The following PLCH1 variants were observed in gnomAD, a reference collection of about 807,000 sequenced individuals.
PLCH1 encodes the protein phospholipase C eta 1.
A neutral mutation model predicts 126.7 loss-of-function variants in PLCH1; 60 were observed. The observed-to-expected ratio is 0.47, with a 90% CI of 0.38 to 0.59. The LOEUF (loss-of-function observed/expected upper bound fraction) is 0.59, where lower values mean the gene tolerates loss of function less well. PLCH1 is among the 20% of genes least tolerant of loss of function. The pLI is 0.00. For missense variants in PLCH1, 1,723 were observed against 2,040.0 expected (o/e 0.84, Z 2.99); for synonymous variants, 719 against 734.9 (o/e 0.98, Z 0.35).
chr3:155,616,178 A>G (rs968798658), intron 2 of PLCH1, among the ~76,000 whole-genome samples: 1 of 152,194 alleles, frequency 6.6e-6, no homozygotes, highest in Non-Finnish European at 1.5e-5. Context: ...AATTACTTAC[A>G]CTAAAAATAA....
At position 155,481,831 on chromosome 3, in the gene PLCH1, C is replaced by G; in HGVS notation, c.4195G>C (p.Gly1399Arg). 1 of 1,614,082 alleles carries G rather than the reference C, an allele frequency of 6.2e-7. No individual in the cohort carries two copies. Among genetic ancestry groups the G allele is most frequent in the Non-Finnish European group, 8.5e-7 (1 of 1,180,022 alleles). Residue 1399 changes from glycine (G) to arginine (R), a missense_variant, in exon 23 of 23, where the codon GGC becomes CGC. Transcript: ENST00000460012. This position sits in a 1 kb window ranked among gnomAD's most constrained non-coding sequence, Gnocchi z 4.2. ...VEHFQRGLRNGYCKETLRPSV... is the reference protein window; with the variant it reads ...VEHFQRGLRNRYCKETLRPSV... ...GGGCGGAGGGTCTCTTTACAGTAGC[C>G]GTTTCTCAAACCTCTTTGAAAGTGT...
intron 8 of PLCH1, 109 bp downstream of exon 8, chr3:155,564,806 A>G: frequency 3.0e-6 from 2 of 672,734 alleles, no homozygotes; most frequent in African/African-American, 1.8e-5. Flanking sequence ...AGTAGTACTA[A>G]TTAGTGTGAG....
At chr3:155,687,563 G>T (rs1021746779) in intron 2 of PLCH1, among the ~76,000 whole-genome samples, 5 of 152,080 alleles carry the variant, frequency 3.3e-5, no homozygotes, top group African/African-American at 1.2e-4. Flanking sequence ...ATATAATTTA[G>T]GAGAAATGGT....
At chr3:155,576,174 G>A (rs1042078678) in intron 6 of PLCH1, among the ~76,000 whole-genome samples, 1 of 152,142 alleles carries the variant, frequency 6.6e-6, no homozygotes, top group Non-Finnish European at 1.5e-5. Flanking sequence ...AGGAACTCTG[G>A]AGGAGATGTA....
At chr3:155,662,478 A>T (rs1462202183) in intron 2 of PLCH1, among the ~76,000 whole-genome samples, 1 of 151,890 alleles carries the variant, frequency 6.6e-6, no homozygotes, top group Admixed American at 6.6e-5. Flanking sequence ...AAAAAAAATT[A>T]AAAATAAAAA....
At chr3:155,665,067 T>G (rs1466938312) in intron 2 of PLCH1, among the ~76,000 whole-genome samples, 1 of 139,556 alleles carries the variant, frequency 7.2e-6, no homozygotes, top group Non-Finnish European at 1.6e-5. Context: ...TAAAACTTCC[T>G]CATAAAAACT....
chr3:155,628,099 A>G (rs903658535), intron 2 of PLCH1, among the ~76,000 whole-genome samples: 4 of 152,150 alleles, frequency 2.6e-5, no homozygotes, highest in Admixed American at 2.0e-4. Context: ...CAAAAAAGTT[A>G]CAAAACTACA....
chr3:155,486,182 T>C, intron 21 of PLCH1: 2 of 1,546,756 alleles, frequency 1.3e-6, no homozygotes, highest in Non-Finnish European at 1.7e-6. Flanking sequence ...ATAGTATAAC[T>C]GGGGTTGAGT....
intron 17 of PLCH1, among the ~76,000 whole-genome samples, chr3:155,493,285 T>C (rs1385306316): frequency 6.6e-6 from 1 of 152,236 alleles, no homozygotes; most frequent in African/African-American, 2.4e-5. Context: ...AACAACTTTT[T>C]TATCTGAATT....
At chr3:155,643,578 T>C (rs1739663529) in intron 2 of PLCH1, among the ~76,000 whole-genome samples, 1 of 152,216 alleles carries the variant, frequency 6.6e-6, no homozygotes, top group East Asian at 1.9e-4. Flanking sequence ...GGCATTAACT[T>C]TTCAGAGTGC....
chr3:155,716,512 G>A (rs1201253651), intron 1 of PLCH1, among the ~76,000 whole-genome samples: 2 of 152,300 alleles, frequency 1.3e-5, no homozygotes, highest in Middle Eastern at 3.4e-3. Context: ...GTAGGCCCCA[G>A]GAAGCTTTTA....
intron 1 of PLCH1, among the ~76,000 whole-genome samples, chr3:155,720,383 TATTTTTTTA>T (rs1203142022): frequency 2.5e-5 from 3 of 120,152 alleles, no homozygotes; most frequent in Non-Finnish European, 5.1e-5. Context: ...TGACATCTAT[TATTTTTTTA>T]TTTTTTTATT....
intron 1 of PLCH1, among the ~76,000 whole-genome samples, chr3:155,744,256 C>A (rs570135558): frequency 6.6e-6 from 1 of 152,272 alleles, no homozygotes; most frequent in East Asian, 1.9e-4. Flanking sequence ...GGGTTTGCCT[C>A]CACCACCCCG....
At chr3:155,533,721 C>T (rs1005774308) in intron 10 of PLCH1, among the ~76,000 whole-genome samples, 1 of 152,184 alleles carries the variant, frequency 6.6e-6, no homozygotes, top group Non-Finnish European at 1.5e-5. Flanking sequence ...GACCCAGAGG[C>T]CTAGGTAGAA....
intron 1 of PLCH1, among the ~76,000 whole-genome samples, chr3:155,737,449 G>A (rs925500067): frequency 1.7e-4 from 25 of 151,386 alleles, no homozygotes; most frequent in Middle Eastern, 3.4e-3. Flanking sequence ...CTCCCACCTC[G>A]GCCTCCCAAA....
intron 16 of PLCH1, 36 bp downstream of exon 16, chr3:155,494,302 T>TATAC (rs1716684696): frequency 1.2e-6 from 2 of 1,612,026 alleles, no homozygotes; most frequent in Admixed American, 3.3e-5. Flanking sequence ...ATAGTGAGAA[T>TATAC]ATACAGAGAA....
In PLCH1 at chr3:155,482,975, T is replaced by C. The variant is rs1221533914; in HGVS notation, c.3051A>G (p.Leu1017=). The C allele has an allele frequency of 1.2e-6, 2 of 1,614,060 alleles. No homozygotes were observed. Among genetic ancestry groups the C allele is most frequent in the East Asian group, 2.2e-5 (1 of 44,880 alleles). Residue 1017 remains leucine, a synonymous_variant, in exon 23 of 23, where the codon TTA becomes TTG. Transcript: ENST00000460012. Reference sequence around the variant, plus strand: ...GGAGCAGAGCACTGGAGGAGGATGATAACTTTTTGTTGAAATTTAGAAAAT... The same window carrying C: ...GGAGCAGAGCACTGGAGGAGGATGACAACTTTTTGTTGAAATTTAGAAAAT... ...DPHFLNFNKK[L]SSSSSALLHK... is the part of the protein sequence containing the mutation.
intron 2 of PLCH1, among the ~76,000 whole-genome samples, chr3:155,673,048 CTTTT>C (rs66672315): frequency 1.3e-4 from 9 of 68,236 alleles, no homozygotes; most frequent in African/African-American, 4.1e-4. Context: ...CTTCTGTTGC[CTTTT>C]TTTTTTTTTT....
At chr3:155,500,273 C>G (rs2108135219) in intron 14 of PLCH1, among the ~76,000 whole-genome samples, 1 of 152,292 alleles carries the variant, frequency 6.6e-6, no homozygotes, top group African/African-American at 2.4e-5. Flanking sequence ...CTTACAATGA[C>G]TCTAAGAGAC....
Sources: gnomAD v4.1 joint callset for allele counts (sites outside exome capture counted in the v4.1 genomes callset) on GRCh38, gnomAD v4.1.1 for gene constraint, Gnocchi (gnomAD v3.1) non-coding constraint, MANE v1.5 for transcripts, NCBI Gene and HGNC (gene_info 2026-07-23, HGNC 2026-07-21) for gene names.